RAB11FIP4: variants seen among roughly 807,000 people sequenced by gnomAD.
RAB11FIP4 encodes the protein RAB11 family interacting protein 4, also known as rab11 family-interacting protein 4.
A neutral mutation model predicts 74.3 loss-of-function variants in RAB11FIP4; 23 were observed. The observed-to-expected ratio is 0.31, with a 90% CI of 0.22 to 0.44. The LOEUF (loss-of-function observed/expected upper bound fraction) is 0.44. Among genes scored for constraint, RAB11FIP4 ranks in the 20% least tolerant of loss-of-function variants. The probability of loss-of-function intolerance (pLI) is 1.00; values close to 1 mark genes in which losing one functional copy is unlikely to be tolerated. For synonymous variants in RAB11FIP4, 360 were observed against 359.9 expected, an observed-to-expected ratio of 1.00 and a Z score of 0.00; for missense variants, 630 against 863.9, an observed-to-expected ratio of 0.73 and a Z score of 3.39.
intron 3 of RAB11FIP4, among the ~76,000 whole-genome samples, chr17:31,513,360 C>T (rs987305708): frequency 1.3e-5 from 2 of 152,230 alleles, no homozygotes; most frequent in African/African-American, 4.8e-5. Flanking sequence ...TCCTAGTATG[C>T]TTGACTCCGA....
At chr17:31,448,119 C>G (rs1417891007) in intron 3 of RAB11FIP4, among the ~76,000 whole-genome samples, 1 of 152,196 alleles carries the variant, frequency 6.6e-6, no homozygotes. Flanking sequence ...GCGGGAAAGA[C>G]TTTTTAAATT....
chr17:31,488,348 G>T (rs1567672805), intron 3 of RAB11FIP4: 2 of 1,021,822 alleles, frequency 2.0e-6, no homozygotes, highest in South Asian at 4.7e-5. Context: ...CCGCGGCCCC[G>T]GGAAGTTGGC....
chr17:31,396,701 G>A (rs1043457528), intron 1 of RAB11FIP4, among the ~76,000 whole-genome samples: 2 of 152,196 alleles, frequency 1.3e-5, no homozygotes, highest in Non-Finnish European at 2.9e-5. Context: ...TCGGCAGTCA[G>A]AATGGTAGAC....
chr17:31,516,992 A>T (rs919366024), intron 3 of RAB11FIP4, among the ~76,000 whole-genome samples: 7 of 151,976 alleles, frequency 4.6e-5, no homozygotes, highest in Admixed American at 3.3e-4. Flanking sequence ...GTTACACCCT[A>T]TGCAAACATC....
chr17:31,486,354 A>G (rs944503266), intron 3 of RAB11FIP4, among the ~76,000 whole-genome samples: 4 of 152,078 alleles, frequency 2.6e-5, no homozygotes, highest in Non-Finnish European at 4.4e-5. Flanking sequence ...GATCCTCTTC[A>G]GCCTCCCAAG....
chr17:31,405,820 C>A (rs1227729736), intron 1 of RAB11FIP4, among the ~76,000 whole-genome samples: 1 of 152,022 alleles, frequency 6.6e-6, no homozygotes, highest in African/African-American at 2.4e-5. Context: ...ACCTTAAAAC[C>A]CACATCTGGT....
At chr17:31,458,504 A>G (rs940824583) in intron 3 of RAB11FIP4, among the ~76,000 whole-genome samples, 1 of 152,206 alleles carries the variant, frequency 6.6e-6, no homozygotes, top group African/African-American at 2.4e-5. Context: ...CTTTGGTTGA[A>G]GAGGCAGGTG....
intron 3 of RAB11FIP4, among the ~76,000 whole-genome samples, chr17:31,480,130 C>G (rs186128883): frequency 6.6e-6 from 1 of 152,274 alleles, no homozygotes; most frequent in East Asian, 1.9e-4. Flanking sequence ...AAATCCAGGT[C>G]TTCTGGCCCT....
chr17:31,402,917 G>A (rs942711632), intron 1 of RAB11FIP4, among the ~76,000 whole-genome samples: 36 of 152,090 alleles, frequency 2.4e-4, no homozygotes, highest in South Asian at 8.3e-4. Flanking sequence ...GAGCCACCGC[G>A]CCTGGCCAGA....
chr17:31,445,578 A>ATTTT lies in RAB11FIP4; in HGVS notation c.336+11478_336+11481dup, dbSNP rs61393689. ...TATATATATATATATATATATATAT[A>ATTTT]TTTTTTTTTTTTTTTTTTTTTTTTT... On this transcript the variant is annotated intron_variant, in intron 3 of 14. Transcript: ENST00000621161. Among the ~76,000 whole-genome samples the ATTTT allele has an allele frequency of 1.2e-3, 20 of 16,292 alleles. 1 individual carries two copies. Among genetic ancestry groups the ATTTT allele is most frequent in the Non-Finnish European group, 1.6e-3 (15 of 9,178 alleles). The allele number at this position is 16,292 out of a possible 152,430, so 10.7% of individuals were successfully genotyped here.
chr17:31,459,218 A>G (rs1327728637), intron 3 of RAB11FIP4, among the ~76,000 whole-genome samples: 1 of 152,110 alleles, frequency 6.6e-6, no homozygotes, highest in Non-Finnish European at 1.5e-5. Flanking sequence ...CCTGTCAGAG[A>G]GATCTACGAG....
chr17:31,510,391 C>T (rs1048023272), intron 3 of RAB11FIP4, among the ~76,000 whole-genome samples: 1 of 152,254 alleles, frequency 6.6e-6, no homozygotes, highest in African/African-American at 2.4e-5. Context: ...CCAGCGGCAG[C>T]GCTGCACGTG....
At chr17:31,435,582 G>GC (rs144850287) in intron 3 of RAB11FIP4, among the ~76,000 whole-genome samples, 3,521 of 152,252 alleles carry the variant, frequency 0.023, 130 homozygotes, top group African/African-American at 0.081. Flanking sequence ...GTTCTGATGG[G>GC]TGCCTCCTCT....
chr17:31,410,003 G>A (rs576414874), intron 1 of RAB11FIP4, among the ~76,000 whole-genome samples: 2 of 152,242 alleles, frequency 1.3e-5, no homozygotes, highest in South Asian at 2.1e-4. Flanking sequence ...CCAGCTTGCC[G>A]GCTCTATGAC....
In RAB11FIP4 at chr17:31,391,998, G is replaced by A; in HGVS notation, c.146G>A (p.Gly49Asp). The A allele has an allele frequency of 7.5e-7, 1 of 1,334,692 alleles. No individual in the cohort carries two copies. The highest frequency in any genetic ancestry group is 9.6e-7 in the Non-Finnish European group (1 of 1,042,560). The allele number at this position is 1,334,692 out of a possible 1,614,324, so 82.7% of individuals were successfully genotyped here. A position where few individuals can be genotyped will look rare whatever the true frequency, so the allele number is the denominator to read the frequency against. The change falls in exon 1 of 15, where the codon GGC (glycine) becomes GAC (aspartate). Residue 49 changes from glycine to aspartate, a missense_variant. Transcript: ENST00000621161. ...GTCGCGGCGCTCGGACTGCGCTTCG[G>A]CCAGGGCGAGGAGGTAAGCTGGCCC... is the stretch of plus-strand genomic sequence containing the variant. Reference protein sequence around the residue: ...ERVAALGLRFGQGEEVEKLVK... With the variant: ...ERVAALGLRFDQGEEVEKLVK...
At chr17:31,511,590 A>T (rs1462668967) in intron 3 of RAB11FIP4, among the ~76,000 whole-genome samples, 1 of 152,184 alleles carries the variant, frequency 6.6e-6, no homozygotes, top group East Asian at 1.9e-4. Flanking sequence ...TTGCTCTCAC[A>T]GGGAAGGTGG....
At chr17:31,475,651 G>A (rs1420663149) in intron 3 of RAB11FIP4, among the ~76,000 whole-genome samples, 3 of 152,134 alleles carry the variant, frequency 2.0e-5, no homozygotes, top group Admixed American at 6.5e-5. Context: ...ACATTCTCAC[G>A]GTGGTGAAGA....
chr17:31,418,143 T>G (rs2151622420), intron 1 of RAB11FIP4, among the ~76,000 whole-genome samples: 1 of 152,132 alleles, frequency 6.6e-6, no homozygotes. Context: ...ATCCCAGCAC[T>G]TTGGGAGGAC....
chr17:31,431,741 T>G, intron 1 of RAB11FIP4, 72 bp from the exon 2 acceptor site: 1 of 537,956 alleles, frequency 1.9e-6, no homozygotes, highest in Non-Finnish European at 3.7e-6. Context: ...CCTCCCAGCC[T>G]CCCCACCCAG....
Sources: gnomAD v4.1 joint callset for allele counts (sites outside exome capture counted in the v4.1 genomes callset) on GRCh38, gnomAD v4.1.1 for gene constraint, MANE v1.5 for transcripts, NCBI Gene and HGNC (gene_info 2026-07-23, HGNC 2026-07-21) for gene names.